The following SCHIP1 variants were observed in gnomAD, a reference collection of about 807,000 sequenced individuals.
The protein encoded by SCHIP1 is schwannomin-interacting protein 1.
In SCHIP1, 8 loss-of-function variants were observed where a neutral mutation model predicts 29.7. The ratio of observed to expected loss-of-function variants is 0.27; its 90% CI spans 0.16 to 0.49. SCHIP1 has a LOEUF of 0.49. SCHIP1 is among the 20% of genes least tolerant of loss of function. The pLI is 0.99. For missense variants in SCHIP1, 193 were observed against 294.6 expected (o/e 0.66, Z 2.52); for synonymous variants, 76 against 94.9 (o/e 0.80, Z 1.16).
chr3:159,404,764 G>A, the SCHIP1 span, among the ~76,000 whole-genome samples: 1 of 152,200 alleles, frequency 6.6e-6, no homozygotes, highest in Non-Finnish European at 1.5e-5. Flanking sequence ...CCTGCTGATT[G>A]TACAGCCCTA....
the SCHIP1 span, among the ~76,000 whole-genome samples, chr3:159,330,839 C>T: frequency 6.6e-6 from 1 of 152,140 alleles, no homozygotes; most frequent in African/African-American, 2.4e-5. Flanking sequence ...CAGTTTTGTA[C>T]ACTGTGCTTG....
At chr3:159,735,892 A>T in the SCHIP1 span, among the ~76,000 whole-genome samples, 1 of 152,158 alleles carries the variant, frequency 6.6e-6, no homozygotes, top group Non-Finnish European at 1.5e-5. Flanking sequence ...GTCCACTTAA[A>T]GTAGCTTTGA....
the SCHIP1 span, among the ~76,000 whole-genome samples, chr3:159,347,891 C>G: frequency 1.3e-5 from 2 of 152,140 alleles, no homozygotes; most frequent in Non-Finnish European, 2.9e-5. Context: ...ATTTTATTCA[C>G]AATCCTGGTA....
At chr3:159,731,430 G>A in the SCHIP1 span, among the ~76,000 whole-genome samples, 2 of 152,234 alleles carry the variant, frequency 1.3e-5, no homozygotes, top group Non-Finnish European at 2.9e-5. Flanking sequence ...TTTAGCCAAG[G>A]GAGTCCAAGA....
At chr3:159,499,394 T>C in the SCHIP1 span, among the ~76,000 whole-genome samples, 3 of 152,232 alleles carry the variant, frequency 2.0e-5, no homozygotes, top group Non-Finnish European at 4.4e-5. Flanking sequence ...TTCTTCTGCA[T>C]ACACCGTAAC....
At chr3:159,808,957 CA>C in the SCHIP1 span, among the ~76,000 whole-genome samples, 6 of 142,742 alleles carry the variant, frequency 4.2e-5, no homozygotes, top group Admixed American at 2.1e-4. Context: ...AACTCCGTCT[CA>C]AAAAAAAAGA....
intron 2 of SCHIP1, among the ~76,000 whole-genome samples, chr3:159,878,338 TG>T (rs1472096009): frequency 1.3e-5 from 2 of 151,784 alleles, no homozygotes; most frequent in African/African-American, 4.8e-5. Flanking sequence ...GATAGCTGGC[TG>T]GGTATGGTGG....
At chr3:159,355,410 A>G in the SCHIP1 span, among the ~76,000 whole-genome samples, 1 of 152,112 alleles carries the variant, frequency 6.6e-6, no homozygotes, top group Non-Finnish European at 1.5e-5. Context: ...TCAGAGCAAA[A>G]ACAAGGAAAT....
At chr3:159,635,508 T>C in the SCHIP1 span, among the ~76,000 whole-genome samples, 1 of 152,218 alleles carries the variant, frequency 6.6e-6, no homozygotes, top group Non-Finnish European at 1.5e-5. Context: ...AATATAATTA[T>C]AATATAGCTT....
the SCHIP1 span, among the ~76,000 whole-genome samples, chr3:159,548,340 GTTATT>G: frequency 6.6e-6 from 1 of 151,890 alleles, no homozygotes. Flanking sequence ...GTTTTGGTAA[GTTATT>G]TTTAGGAATT....
chr3:159,406,970 G>A, the SCHIP1 span, among the ~76,000 whole-genome samples: 7 of 151,742 alleles, frequency 4.6e-5, no homozygotes, highest in Admixed American at 2.0e-4. Context: ...AGACAGAAAG[G>A]AAAAAAAGGA....
the SCHIP1 span, among the ~76,000 whole-genome samples, chr3:159,515,917 T>C: frequency 6.7e-6 from 1 of 149,960 alleles, no homozygotes; most frequent in Non-Finnish European, 1.5e-5. Flanking sequence ...ATAAGATAAA[T>C]GAGAAAAATA....
the SCHIP1 span, among the ~76,000 whole-genome samples, chr3:159,388,172 A>G: frequency 3.3e-5 from 5 of 152,078 alleles, no homozygotes; most frequent in Admixed American, 2.0e-4. Flanking sequence ...TAATTTTTTT[A>G]TAAGGAGTAT....
At chr3:159,870,708 T>C (rs1715164556) in intron 2 of SCHIP1, among the ~76,000 whole-genome samples, 1 of 151,970 alleles carries the variant, frequency 6.6e-6, no homozygotes, top group South Asian at 2.1e-4. Flanking sequence ...TTGTAACATT[T>C]TGTTTAGGAT....
chr3:159,564,595 C>T, the SCHIP1 span, among the ~76,000 whole-genome samples: 16 of 152,118 alleles, frequency 1.1e-4, no homozygotes, highest in Middle Eastern at 3.2e-3. Context: ...AGGCTAGTCT[C>T]AAACTCCCAA....
the SCHIP1 span, among the ~76,000 whole-genome samples, chr3:159,421,413 C>G: frequency 6.6e-6 from 1 of 152,142 alleles, no homozygotes; most frequent in East Asian, 1.9e-4. Context: ...GTGGAGGAGA[C>G]TATCATATAC....
chr3:159,435,324 TA>T, the SCHIP1 span, among the ~76,000 whole-genome samples: 1 of 152,286 alleles, frequency 6.6e-6, no homozygotes, highest in South Asian at 2.1e-4. Context: ...TTGTTGTTAT[TA>T]TTATTACCTC....
chr3:159,379,821 G>T, the SCHIP1 span, among the ~76,000 whole-genome samples: 1 of 152,304 alleles, frequency 6.6e-6, no homozygotes, highest in East Asian at 1.9e-4. Context: ...ACTCTGAGAA[G>T]AAATATGGAG....
chr3:159,667,540 C>G, the SCHIP1 span, among the ~76,000 whole-genome samples: 10 of 152,150 alleles, frequency 6.6e-5, no homozygotes, highest in African/African-American at 2.4e-4. Context: ...TGGTGGGTGA[C>G]AGGATGAGGG....
Sources: gnomAD v4.1 joint callset for allele counts (sites outside exome capture counted in the v4.1 genomes callset) on GRCh38, gnomAD v4.1.1 for gene constraint, MANE v1.5 for transcripts, NCBI Gene and HGNC (gene_info 2026-07-23, HGNC 2026-07-21) for gene names.